The following GLYATL1 variants were observed in gnomAD, a reference collection of about 807,000 sequenced individuals.
GLYATL1 encodes the protein glycine N-acyltransferase-like protein 1.
In GLYATL1, 15 loss-of-function variants were observed where a neutral mutation model predicts 20.0. That is an observed-to-expected ratio of 0.75 (90% CI 0.50 to 1.15). GLYATL1 has a LOEUF of 1.15. Among genes scored for constraint, GLYATL1 ranks in the 50% most tolerant of loss-of-function variants. The probability of loss-of-function intolerance (pLI) is 0.00; values close to 1 mark genes in which losing one functional copy is unlikely to be tolerated. For missense variants in GLYATL1, 380 were observed against 368.5 expected (o/e 1.03, Z -0.26); for synonymous variants, 151 against 131.5 (o/e 1.15, Z -1.01).
chr11:58,923,708 C>T (rs1465335409), upstream of GLYATL1, among the ~76,000 whole-genome samples: 1 of 152,170 alleles, frequency 6.6e-6, no homozygotes, highest in African/African-American at 2.4e-5. Context: ...GCCAGCCTGC[C>T]CCTCCCCTTG....
At chr11:58,905,880 T>A (rs114099931) in intron 1 of GLYATL1, among the ~76,000 whole-genome samples, 1,677 of 152,296 alleles carry the variant, frequency 0.011, 38 homozygotes, top group African/African-American at 0.038. Flanking sequence ...GCTTCCAAAG[T>A]GGATGAGAGG....
upstream of GLYATL1, among the ~76,000 whole-genome samples, chr11:58,936,612 TG>T (rs1855847810): frequency 1.3e-5 from 2 of 152,188 alleles, no homozygotes; most frequent in Non-Finnish European, 2.9e-5. Flanking sequence ...AAGCTGAATT[TG>T]GGGTAGAAAA....
chr11:58,950,543 T>C (rs975726217), intron 4 of GLYATL1, among the ~76,000 whole-genome samples: 3 of 152,234 alleles, frequency 2.0e-5, no homozygotes, highest in African/African-American at 7.2e-5. Flanking sequence ...CATCTTCATA[T>C]ACATATCTTT....
upstream of GLYATL1, among the ~76,000 whole-genome samples, chr11:58,937,111 C>T (rs1333110041): frequency 2.6e-5 from 4 of 152,294 alleles, no homozygotes; most frequent in Admixed American, 2.0e-4. Flanking sequence ...TTACTTGGCT[C>T]TTCTGTGTCT....
At chr11:58,943,232 A>G in intron 1 of GLYATL1, 1 of 1,482,204 alleles carries the variant, frequency 6.7e-7, no homozygotes, top group Non-Finnish European at 8.9e-7. Context: ...AGTAGTGTGC[A>G]CCTGTAACAA....
At chr11:58,948,558 T>G (rs2135233392) in intron 4 of GLYATL1, among the ~76,000 whole-genome samples, 1 of 152,274 alleles carries the variant, frequency 6.6e-6, no homozygotes, top group South Asian at 2.1e-4. Flanking sequence ...GAGGATGGCT[T>G]GAGCCCCAGA....
At chr11:58,947,372 C>CCAAATGAGTGGCAAA in intron 3 of GLYATL1, 1 of 644,286 alleles carries the variant, frequency 1.6e-6, no homozygotes, top group Non-Finnish European at 2.6e-6. Context: ...TTTTGCCACT[C>CCAAATGAGTGGCAAA]ATTTGGAGAG....
At chr11:58,947,539 T>C in intron 3 of GLYATL1, 2 of 457,412 alleles carry the variant, frequency 4.4e-6, no homozygotes. Flanking sequence ...GGGAATAACG[T>C]TAGCACCTAC....
At chr11:58,948,117 C>A (rs1456980582) in intron 4 of GLYATL1, 152 bp downstream of exon 4, 3 of 630,974 alleles carry the variant, frequency 4.8e-6, no homozygotes, top group African/African-American at 3.6e-5. Context: ...GCATGAGTGC[C>A]ACGTGTTCCC....
At chr11:58,954,611 C>T (rs1484908776) in intron 4 of GLYATL1, among the ~76,000 whole-genome samples, 159 bp from the exon 5 acceptor site, 1 of 152,106 alleles carries the variant, frequency 6.6e-6, no homozygotes, top group Non-Finnish European at 1.5e-5. Context: ...TCAGCGGTAG[C>T]TTATAGGCCT....
At chr11:58,955,519 G>A in intron 6 of GLYATL1, 91 bp from the exon 7 acceptor site, 2 of 1,446,090 alleles carry the variant, frequency 1.4e-6, no homozygotes, top group Non-Finnish European at 1.9e-6. Context: ...CTTTAAACAA[G>A]AAGAGTTCCT....
chr11:58,950,222 C>T lies in GLYATL1; in HGVS notation c.186+2257C>T, dbSNP rs1590807167. Among the ~76,000 whole-genome samples, 5 of 149,372 alleles carry T rather than the reference C, an allele frequency of 3.3e-5. No homozygotes were observed. The South Asian group carries it at 6.3e-4, about 19-fold the overall frequency. On this transcript the variant is annotated intron_variant, in intron 4 of 6. Transcript: ENST00000532726. Reference sequence around the variant, plus strand: ...CGGAGAATGGCGTGAAACCGGGAGGCGGAGCTTGCAGTGAGCTGAGATCCC... The same window carrying T: ...CGGAGAATGGCGTGAAACCGGGAGGTGGAGCTTGCAGTGAGCTGAGATCCC...
At chr11:58,906,047 A>G (rs1223426482) in intron 1 of GLYATL1, among the ~76,000 whole-genome samples, 1 of 152,114 alleles carries the variant, frequency 6.6e-6, no homozygotes, top group East Asian at 1.9e-4. Flanking sequence ...AGTCTTCCCA[A>G]CACCTGCGAA....
downstream of GLYATL1, among the ~76,000 whole-genome samples, chr11:58,909,923 T>C (rs570475575): frequency 2.6e-5 from 4 of 152,302 alleles, no homozygotes; most frequent in African/African-American, 9.6e-5. Flanking sequence ...GGTCTCTATG[T>C]TCTGCTTTTC....
exon 1 of GLYATL1, chr11:58,905,537 G>A (rs1565114059): frequency 2.2e-6 from 1 of 456,286 alleles, no homozygotes; most frequent in Non-Finnish European, 4.4e-6. Context: ...CGGAAAAAGC[G>A]CGAAACCGCC....
rs1855109136 is a variant in GLYATL1 at position 58,913,928 on chromosome 11, T to C, written n.264+8267T>C. Reference sequence around the variant, plus strand: ...TTGTTGACTCACTAATCAGTACCTGTGTCCCTTCCATTAAACTTGGAACTC... The same window carrying C: ...TTGTTGACTCACTAATCAGTACCTGCGTCCCTTCCATTAAACTTGGAACTC... On this transcript the variant is annotated intron_variant and non_coding_transcript_variant, in intron 1 of 2. Coordinates refer to the GLYATL1 transcript ENST00000534674. 2.0e-5 allele frequency among the ~76,000 whole-genome samples: 3 copies of C among 152,330 alleles called. No homozygotes were observed. In the South Asian group the frequency reaches 6.2e-4, roughly 32 times the overall value.
intron 1 of GLYATL1, among the ~76,000 whole-genome samples, chr11:58,921,486 G>A (rs478705): frequency 0.48 from 72,356 of 151,610 alleles, 17,292 homozygotes; most frequent in East Asian, 0.58. Context: ...CACAGGGTAT[G>A]GTAGCCCTTG....
chr11:58,953,390 G>GTTTT (rs377318573), intron 4 of GLYATL1, among the ~76,000 whole-genome samples: 24 of 110,966 alleles, frequency 2.2e-4, no homozygotes, highest in African/African-American at 7.8e-4. Context: ...CTTACAGTCT[G>GTTTT]TTTTTTTTTT....
chr11:58,924,714 A>T (rs1055898937), upstream of GLYATL1, among the ~76,000 whole-genome samples: 1 of 152,332 alleles, frequency 6.6e-6, no homozygotes, highest in South Asian at 2.1e-4. Context: ...TATGAGTACA[A>T]TTAGCAACAT....
Sources: allele counts gnomAD v4.1 joint callset (sites outside exome capture counted in the v4.1 genomes callset), GRCh38; gene constraint gnomAD v4.1.1; transcripts MANE v1.5; gene names NCBI Gene and HGNC (gene_info 2026-07-23, HGNC 2026-07-21).